The following ARMC3 variants were observed in gnomAD, a reference collection of about 807,000 sequenced individuals.
ARMC3 encodes armadillo repeat containing 3.
ARMC3 carries 74 observed loss-of-function variants against 90.3 expected under a neutral mutation model. The ratio of observed to expected loss-of-function variants is 0.82; its 90% CI spans 0.68 to 0.99. The LOEUF is 0.99. Among genes scored for constraint, ARMC3 ranks in the 50% least tolerant of loss-of-function variants. The probability of loss-of-function intolerance (pLI) is 0.00; values close to 1 mark genes in which losing one functional copy is unlikely to be tolerated. For missense variants in ARMC3, 958 were observed against 1,042.8 expected, an observed-to-expected ratio of 0.92 and a Z score of 1.12; for synonymous variants, 334 against 361.8, an observed-to-expected ratio of 0.92 and a Z score of 0.87.
At chr10:23,002,961 AGT>A (rs770667604) in intron 12 of ARMC3, among the ~76,000 whole-genome samples, 8 of 152,220 alleles carry the variant, frequency 5.3e-5, no homozygotes, top group Non-Finnish European at 1.2e-4. Flanking sequence ...TAGATGAAAA[AGT>A]TGAGGTCCAA....
Position 22,990,445 on chromosome 10 carries a change from G to A in ARMC3, c.1176-7703G>A, listed in dbSNP as rs563752396. 7.2e-5 allele frequency among the ~76,000 whole-genome samples: 11 copies of A among 152,210 alleles called. 1 individual carries two copies. Among genetic ancestry groups the A allele is most frequent in the African/African-American group, 1.9e-4 (8 of 41,526 alleles). On this transcript the variant is annotated intron_variant, in intron 10 of 18. Coordinates refer to ENST00000298032, the MANE Select transcript of ARMC3 (RefSeq NM_173081.5). ...CACAAGTTTTACAATATGATCTTAC[G>A]TTTCCATGATCTGAAACTCTCTACC...
intron 2 of ARMC3, among the ~76,000 whole-genome samples, chr10:22,938,108 TAA>T (rs1834180133): frequency 6.6e-6 from 1 of 152,182 alleles, no homozygotes; most frequent in South Asian, 2.1e-4. Context: ...GGGGCCTCTT[TAA>T]ATAGAATCTT....
intron 8 of ARMC3, among the ~76,000 whole-genome samples, chr10:22,975,770 G>C (rs73600587): frequency 0.022 from 3,377 of 152,228 alleles, 112 homozygotes; most frequent in African/African-American, 0.077. Flanking sequence ...CCAGAGTCAT[G>C]ATTTTTTCCC....
intron 3 of ARMC3, among the ~76,000 whole-genome samples, chr10:22,951,345 C>G (rs979202547): frequency 6.6e-6 from 1 of 152,122 alleles, no homozygotes; most frequent in African/African-American, 2.4e-5. Flanking sequence ...TTTAAATACT[C>G]CTCTCAATAA....
intron 2 of ARMC3, among the ~76,000 whole-genome samples, chr10:22,943,703 C>T (rs2131175607): frequency 6.6e-6 from 1 of 152,146 alleles, no homozygotes; most frequent in South Asian, 2.1e-4. Context: ...GAGGCTGAGG[C>T]AGGTGGATTC....
chr10:23,005,970 C>T (rs914891186), intron 13 of ARMC3, among the ~76,000 whole-genome samples: 18 of 151,846 alleles, frequency 1.2e-4, no homozygotes, highest in East Asian at 5.8e-4. Context: ...CTGAGGTGGG[C>T]GGTTGCAATT....
In ARMC3 at chr10:22,979,748, A is replaced by G. The variant is rs1009748878; in HGVS notation, c.917-1592A>G. 3.3e-5 allele frequency among the ~76,000 whole-genome samples: 5 copies of G among 152,326 alleles called. No individual in the cohort carries two copies. The Middle Eastern group carries it at 0.014, about 414-fold the overall frequency. ...AAACATTTTCGGAGCCACATACTTT[A>G]GAGTTAAGTATTAACTGAAGCTTTT... On this transcript the variant is annotated intron_variant, in intron 8 of 18. Transcript: ENST00000298032.
intron 18 of ARMC3, among the ~76,000 whole-genome samples, chr10:23,036,908 G>C (rs1253482480): frequency 1.3e-5 from 2 of 152,210 alleles, no homozygotes; most frequent in Non-Finnish European, 2.9e-5. Flanking sequence ...CAGTCCCACT[G>C]CATTTCACAG....
At chr10:23,022,633 G>A (rs999851401) in intron 16 of ARMC3, among the ~76,000 whole-genome samples, 1 of 152,178 alleles carries the variant, frequency 6.6e-6, no homozygotes, top group Admixed American at 6.5e-5. Context: ...GTTGACTGGA[G>A]CCCCACTAAC....
Position 23,006,866 on chromosome 10 carries a change from C to G in ARMC3, c.1732-18C>G. ...ACCCCTGCAGATACTACTTTTTGGT[C>G]CTTAAATTATCTCACAGATAAATCC... is the stretch of plus-strand genomic sequence containing the variant. On this transcript the variant is annotated intron_variant, in intron 13 of 18. Transcript: ENST00000298032. 3.1e-6 allele frequency: 5 copies of G among 1,611,312 alleles called. No individual in the cohort carries two copies. Among genetic ancestry groups the G allele is most frequent in the Non-Finnish European group, 4.2e-6 (5 of 1,177,738 alleles).
chr10:23,030,788 T>C lies in ARMC3; in HGVS notation c.2238T>C (p.Asp746=). 1 of 1,613,438 alleles carries C rather than the reference T, an allele frequency of 6.2e-7. No individual in the cohort carries two copies. The highest frequency in any genetic ancestry group is 8.5e-7 in the Non-Finnish European group (1 of 1,179,614). Residue 746 remains aspartate, a synonymous_variant, in exon 17 of 19, where the codon GAT becomes GAC. Coordinates refer to ENST00000298032, the MANE Select transcript of ARMC3 (RefSeq NM_173081.5). ...CCAATATTAAGGAACAGATTGAGGA[T>C]CTGGCAAAGTAAGTTGTCTATGTAT... ...PITNIKEQIE[D]LAKYVAEKMG... is the part of the protein sequence containing the mutation.
At chr10:23,037,208 A>G (rs1188071466) in intron 18 of ARMC3, 62 bp from the exon 19 acceptor site, 1 of 1,397,676 alleles carries the variant, frequency 7.2e-7, no homozygotes, top group Non-Finnish European at 9.6e-7. Context: ...GCAATTACAA[A>G]TAGGATATTC....
chr10:22,953,964 C>T (rs997783615), intron 3 of ARMC3, among the ~76,000 whole-genome samples: 1 of 152,152 alleles, frequency 6.6e-6, no homozygotes, highest in African/African-American at 2.4e-5. Context: ...GTGATTTGTA[C>T]TGTTTTATAT....
intron 8 of ARMC3, among the ~76,000 whole-genome samples, chr10:22,979,736 G>T (rs548664322): frequency 1.3e-5 from 2 of 152,214 alleles, no homozygotes; most frequent in South Asian, 4.2e-4. Context: ...CATTTTCGGA[G>T]CCACATACTT....
At chr10:23,025,000 A>G (rs1243187137) in intron 16 of ARMC3, among the ~76,000 whole-genome samples, 1 of 152,184 alleles carries the variant, frequency 6.6e-6, no homozygotes, top group East Asian at 1.9e-4. Flanking sequence ...CTAGAAATAA[A>G]GAGGGACATT....
intron 2 of ARMC3, among the ~76,000 whole-genome samples, chr10:22,939,551 T>A (rs1834243458): frequency 6.6e-6 from 1 of 152,024 alleles, no homozygotes; most frequent in African/African-American, 2.4e-5. Context: ...ATAGAAAAGG[T>A]TTCTCTAGTC....
chr10:23,017,985 A>G (rs1838349906), intron 16 of ARMC3, among the ~76,000 whole-genome samples: 1 of 152,260 alleles, frequency 6.6e-6, no homozygotes, highest in Non-Finnish European at 1.5e-5. Context: ...CTGCCCTCAG[A>G]AAGCAGGCTA....
intron 8 of ARMC3, among the ~76,000 whole-genome samples, chr10:22,980,410 T>C (rs2131333443): frequency 6.6e-6 from 1 of 152,220 alleles, no homozygotes; most frequent in African/African-American, 2.4e-5. Context: ...TTTATACCAG[T>C]CCCTGGTACA....
At chr10:22,973,506 T>C (rs945662881) in intron 8 of ARMC3, among the ~76,000 whole-genome samples, 1 of 150,706 alleles carries the variant, frequency 6.6e-6, no homozygotes, top group Admixed American at 6.6e-5. Context: ...AATTCATTTC[T>C]ATATTAAGGA....
Sources: allele counts gnomAD v4.1 joint callset (sites outside exome capture counted in the v4.1 genomes callset), GRCh38; gene constraint gnomAD v4.1.1; transcripts MANE v1.5; gene names NCBI Gene and HGNC (gene_info 2026-07-23, HGNC 2026-07-21).